The following CNKSR2 variants were observed in gnomAD, a reference collection of about 807,000 sequenced individuals.
CNKSR2 encodes the protein CNK homolog protein 2.
A neutral mutation model predicts 84.4 loss-of-function variants in CNKSR2; 14 were observed. The ratio of observed to expected loss-of-function variants is 0.17; its 90% confidence interval spans 0.11 to 0.26. The LOEUF is 0.26. Among genes scored for constraint, CNKSR2 ranks in the 10% least tolerant of loss-of-function variants. The probability of loss-of-function intolerance (pLI) is 1.00; values close to 1 mark genes in which losing one functional copy is unlikely to be tolerated. For missense variants in CNKSR2, 485 were observed against 771.2 expected, an observed-to-expected ratio of 0.63 and a Z score of 4.40; for synonymous variants, 275 against 277.9, an observed-to-expected ratio of 0.99 and a Z score of 0.10.
At chrX:21,616,347 A>G (rs998684658) in intron 20 of CNKSR2, among the ~76,000 whole-genome samples, 8 of 112,106 alleles carry the variant, frequency 7.1e-5, no homozygotes, top group Non-Finnish European at 3.8e-5. Context: ...GCACTATTGA[A>G]AGAATGAATG....
intron 18 of CNKSR2, among the ~76,000 whole-genome samples, chrX:21,601,804 T>A (rs778376289): frequency 8.9e-6 from 1 of 112,216 alleles, no homozygotes; most frequent in South Asian, 3.7e-4. Context: ...TGTGATCTTA[T>A]GGAATTTGCC....
At chrX:21,596,955 G>A (rs1199988957) in intron 17 of CNKSR2, among the ~76,000 whole-genome samples, 1 of 111,245 alleles carries the variant, frequency 9.0e-6, no homozygotes, top group Non-Finnish European at 1.9e-5. Flanking sequence ...TAATTCCACT[G>A]TTCTAGTACT....
intron 2 of CNKSR2, chrX:21,429,210 G>A (rs1180969081): frequency 8.9e-6 from 1 of 112,184 alleles, no homozygotes; most frequent in Non-Finnish European, 1.9e-5. Context: ...TCAGTTCTAA[G>A]TCATTACTGG....
intron 11 of CNKSR2, among the ~76,000 whole-genome samples, chrX:21,552,384 A>G (rs1336932333): frequency 1.8e-5 from 2 of 112,269 alleles, no homozygotes; most frequent in Non-Finnish European, 1.9e-5. Flanking sequence ...ACTGTTTCCC[A>G]AATGTGTTTG....
intron 8 of CNKSR2, chrX:21,504,785 T>C (rs147532207): frequency 1.3e-3 from 372 of 294,458 alleles, no homozygotes; most frequent in African/African-American, 8.9e-3. Context: ...TTCTCTGTTA[T>C]AAGTGGCTTT....
intron 11 of CNKSR2, among the ~76,000 whole-genome samples, chrX:21,550,451 A>C (rs1470963899): frequency 8.9e-6 from 1 of 112,255 alleles, no homozygotes; most frequent in Admixed American, 9.4e-5. Context: ...AAATAGGAAC[A>C]CTTTGACACT....
At chrX:21,464,734 T>G (rs1338221245) in intron 4 of CNKSR2, among the ~76,000 whole-genome samples, 2 of 111,768 alleles carry the variant, frequency 1.8e-5, no homozygotes, top group African/African-American at 6.5e-5. Flanking sequence ...TCATCAACTA[T>G]TATATTAGAT....
chrX:21,466,358 C>T (rs1336317086), intron 4 of CNKSR2, among the ~76,000 whole-genome samples: 2 of 111,041 alleles, frequency 1.8e-5, no homozygotes, highest in African/African-American at 3.3e-5. Context: ...ATTAATAAAA[C>T]CCATACTTTA....
At chrX:21,409,252 AT>A (rs2090308735) in intron 1 of CNKSR2, among the ~76,000 whole-genome samples, 1 of 80,825 alleles carries the variant, frequency 1.2e-5, no homozygotes, top group African/African-American at 4.7e-5. Context: ...ATATATATAT[AT>A]ATATATATAT....
chrX:21,574,362 T>C (rs1166407626), intron 13 of CNKSR2, among the ~76,000 whole-genome samples: 2 of 111,840 alleles, frequency 1.8e-5, no homozygotes, highest in African/African-American at 6.5e-5. Flanking sequence ...TTTACTGTAT[T>C]AGTTCATTCT....
At chrX:21,517,999 A>G (rs1336023332) in intron 9 of CNKSR2, among the ~76,000 whole-genome samples, 2 of 112,137 alleles carry the variant, frequency 1.8e-5, no homozygotes, top group Admixed American at 9.4e-5. Flanking sequence ...ATATGTGTCA[A>G]CATTATGGCC....
At chrX:21,472,257 A>G (rs2091206835) in intron 5 of CNKSR2, among the ~76,000 whole-genome samples, 1 of 112,108 alleles carries the variant, frequency 8.9e-6, no homozygotes, top group South Asian at 3.7e-4. Flanking sequence ...TTTCTATGAC[A>G]ATGACTGTTC....
intron 11 of CNKSR2, among the ~76,000 whole-genome samples, chrX:21,560,444 T>C (rs1338827085): frequency 2.7e-5 from 3 of 111,337 alleles, no homozygotes; most frequent in Non-Finnish European, 5.7e-5. Flanking sequence ...AATGATAGTA[T>C]AGTTCTCTGA....
intron 5 of CNKSR2, among the ~76,000 whole-genome samples, chrX:21,484,334 A>G (rs1407612455): frequency 8.9e-6 from 1 of 111,863 alleles, no homozygotes; most frequent in African/African-American, 3.2e-5. Flanking sequence ...ACAAAAACCC[A>G]TACTTTATTC....
rs927299649 is a variant in CNKSR2 at position 21,374,431 on chromosome X, G to A, written c.-467G>A. 2.1e-4 allele frequency: 59 copies of A among 278,317 alleles called. No homozygotes were observed. The highest frequency in any genetic ancestry group is 2.2e-3 in the Middle Eastern group (2 of 930). 22.9% of individuals were successfully genotyped at this position (278,317 alleles called of 1,213,427 possible). On this transcript the variant is annotated 5_prime_UTR_variant, in exon 1 of 22. Transcript: ENST00000379510. The stretch of plus-strand genomic sequence containing the variant: ...AGGAGGCCCCTCGTCATTTCCGCCG[G>A]GCAGCTAGTCGTGCTCGGGGCTTCA...
intron 4 of CNKSR2, among the ~76,000 whole-genome samples, chrX:21,461,176 A>G (rs904930320): frequency 1.8e-5 from 2 of 112,129 alleles, no homozygotes; most frequent in East Asian, 5.6e-4. Context: ...CCTTTTCTCC[A>G]CATCCTCACC....
chrX:21,469,568 C>T (rs1425804860), intron 4 of CNKSR2, among the ~76,000 whole-genome samples: 57 of 109,321 alleles, frequency 5.2e-4, no homozygotes, highest in African/African-American at 1.8e-3. Flanking sequence ...CAAAATTATC[C>T]AAATAATAAT....
intron 1 of CNKSR2, among the ~76,000 whole-genome samples, chrX:21,387,767 T>G (rs1218928968): frequency 9.0e-6 from 1 of 111,286 alleles, no homozygotes; most frequent in South Asian, 3.8e-4. Context: ...ACCTACCTAG[T>G]CACATAATTT....
Position 21,526,856 on chromosome X carries a change from A to T in CNKSR2, c.958-11A>T. On this transcript the variant is annotated splice_polypyrimidine_tract_variant and intron_variant, in intron 9 of 21. Transcript: ENST00000379510. ...TGTGTGCGTATGTATTTTCTTTTTCATTTTAACCAGCCTCTTATACCTAGA... is the reference window on the plus strand; with the variant it reads ...TGTGTGCGTATGTATTTTCTTTTTCTTTTTAACCAGCCTCTTATACCTAGA... 8.4e-7 allele frequency: 1 copy of T among 1,190,065 alleles called. No homozygotes were observed. Among genetic ancestry groups the T allele is most frequent in the Non-Finnish European group, 1.1e-6 (1 of 882,251 alleles).
Sources: gnomAD v4.1 joint callset for allele counts (sites outside exome capture counted in the v4.1 genomes callset) on GRCh38, gnomAD v4.1.1 for gene constraint, MANE v1.5 for transcripts, NCBI Gene and HGNC (gene_info 2026-07-23, HGNC 2026-07-21) for gene names.